NYAP2: variants seen among roughly 807,000 people sequenced by gnomAD.
NYAP2 encodes neuronal tyrosine-phosphorylated phosphoinositide-3-kinase adaptor 2, also known as neuronal tyrosine-phosphorylated phosphoinositide-3-kinase adapter 2.
In NYAP2, 23 loss-of-function variants were observed where a neutral mutation model predicts 50.4. The observed-to-expected ratio is 0.46, with a 90% CI of 0.33 to 0.65. NYAP2 has a LOEUF of 0.65. Ranked by LOEUF, NYAP2 falls within the 30% of genes least tolerant of loss-of-function variation. The pLI, the probability that NYAP2 is intolerant of heterozygous loss-of-function variation, is 0.02. For synonymous variants in NYAP2, 394 were observed against 365.2 expected, an observed-to-expected ratio of 1.08 and a Z score of -0.90; for missense variants, 885 against 861.0, an observed-to-expected ratio of 1.03 and a Z score of -0.35.
chr2:225,663,048 G>A, the NYAP2 span, among the ~76,000 whole-genome samples: 9 of 152,214 alleles, frequency 5.9e-5, no homozygotes, highest in South Asian at 8.3e-4. Context: ...TCAGTCATTC[G>A]TTTATTTAAA....
intron 6 of NYAP2, among the ~76,000 whole-genome samples, chr2:225,638,617 A>C (rs556948279): frequency 6.6e-6 from 1 of 152,108 alleles, no homozygotes; most frequent in South Asian, 2.1e-4. Flanking sequence ...AAAGACAGAG[A>C]GCGAACAACC....
intron 3 of NYAP2, among the ~76,000 whole-genome samples, chr2:225,466,059 C>A (rs1689913606): frequency 6.6e-6 from 1 of 152,188 alleles, no homozygotes; most frequent in East Asian, 1.9e-4. Flanking sequence ...GCAGCCGGAA[C>A]CAGCCACGTG....
the NYAP2 span, among the ~76,000 whole-genome samples, chr2:225,692,419 T>C: frequency 6.6e-6 from 1 of 152,132 alleles, no homozygotes; most frequent in Non-Finnish European, 1.5e-5. Flanking sequence ...AAAGTAATTA[T>C]TGAAGTGAAC....
At chr2:225,455,069 C>T (rs1396671725) in intron 3 of NYAP2, among the ~76,000 whole-genome samples, 2 of 152,058 alleles carry the variant, frequency 1.3e-5, no homozygotes, top group Non-Finnish European at 2.9e-5. Flanking sequence ...GGAATGCAGA[C>T]AGTCTCCAGA....
At chr2:225,622,134 A>G (rs559667607) in intron 5 of NYAP2, among the ~76,000 whole-genome samples, 48 of 152,236 alleles carry the variant, frequency 3.2e-4, no homozygotes, top group Admixed American at 1.3e-3. Flanking sequence ...CAAGGCTCAA[A>G]CAATCCTCCC....
chr2:225,574,932 C>T (rs1287215187), intron 4 of NYAP2, among the ~76,000 whole-genome samples: 1 of 152,116 alleles, frequency 6.6e-6, no homozygotes, highest in African/African-American at 2.4e-5. Flanking sequence ...CATTTTGAAA[C>T]CTTTTGCTGC....
At chr2:225,621,063 G>A (rs1693094749) in intron 5 of NYAP2, among the ~76,000 whole-genome samples, 1 of 149,138 alleles carries the variant, frequency 6.7e-6, no homozygotes, top group Non-Finnish European at 1.5e-5. Context: ...GCGGTGAGCT[G>A]AGATCGTGCC....
downstream of NYAP2, among the ~76,000 whole-genome samples, chr2:225,654,877 T>C (rs1180313490): frequency 6.6e-6 from 1 of 152,186 alleles, no homozygotes; most frequent in Non-Finnish European, 1.5e-5. Flanking sequence ...TCATCCCATC[T>C]CTGTTCAGTT....
the NYAP2 span, among the ~76,000 whole-genome samples, chr2:225,693,660 C>G: frequency 6.6e-6 from 1 of 152,002 alleles, no homozygotes; most frequent in South Asian, 2.1e-4. Flanking sequence ...GTATCGGCAG[C>G]CTGGCTGAAG....
the NYAP2 span, among the ~76,000 whole-genome samples, chr2:225,671,557 TGAGATCAA>T: frequency 6.6e-6 from 1 of 152,140 alleles, no homozygotes; most frequent in Non-Finnish European, 1.5e-5. Context: ...TCCAAAAGGT[TGAGATCAA>T]CTTCTTCCAA....
chr2:225,598,867 C>T (rs1002430029), intron 5 of NYAP2, among the ~76,000 whole-genome samples: 5 of 152,200 alleles, frequency 3.3e-5, no homozygotes, highest in African/African-American at 1.2e-4. Context: ...ACTCCTCACA[C>T]TTAAATGAAA....
intron 3 of NYAP2, among the ~76,000 whole-genome samples, chr2:225,503,956 G>T (rs1690654530): frequency 1.3e-5 from 2 of 152,158 alleles, no homozygotes; most frequent in South Asian, 2.1e-4. Flanking sequence ...TAAACAAAAT[G>T]TATTGATATG....
chr2:225,397,963 A>AT (rs1157144300), upstream of NYAP2, among the ~76,000 whole-genome samples: 1 of 151,740 alleles, frequency 6.6e-6, no homozygotes, highest in African/African-American at 2.4e-5. Flanking sequence ...AAAAAGATAT[A>AT]TTTTCCTAAA....
intron 6 of NYAP2, among the ~76,000 whole-genome samples, chr2:225,650,476 G>A (rs2106271904): frequency 6.6e-6 from 1 of 152,296 alleles, no homozygotes; most frequent in African/African-American, 2.4e-5. Context: ...AAAAGCACTT[G>A]TTTATTTATT....
chr2:225,545,726 T>C (rs1219460345), intron 4 of NYAP2, among the ~76,000 whole-genome samples: 1 of 152,190 alleles, frequency 6.6e-6, no homozygotes, highest in African/African-American at 2.4e-5. Flanking sequence ...GTTACATTTT[T>C]TTCTGGATGG....
intron 4 of NYAP2, among the ~76,000 whole-genome samples, chr2:225,541,055 C>A (rs1462022113): frequency 1.3e-5 from 2 of 152,028 alleles, no homozygotes; most frequent in East Asian, 3.9e-4. Flanking sequence ...TGTTGGACAC[C>A]TTTTCATATA....
chr2:225,655,117 C>A (rs1251610293), downstream of NYAP2, among the ~76,000 whole-genome samples: 2 of 152,156 alleles, frequency 1.3e-5, no homozygotes, highest in Non-Finnish European at 2.9e-5. Flanking sequence ...CCTTTGAAAT[C>A]AGTTTTAGCT....
intron 5 of NYAP2, among the ~76,000 whole-genome samples, chr2:225,612,837 T>G (rs1016068474): frequency 9.0e-6 from 1 of 111,550 alleles, no homozygotes; most frequent in East Asian, 2.6e-4. Context: ...ACACCCAATG[T>G]GTGTGATGAC....
intron 3 of NYAP2, among the ~76,000 whole-genome samples, chr2:225,452,698 T>C (rs552293022): frequency 6.6e-5 from 10 of 152,334 alleles, no homozygotes; most frequent in Admixed American, 4.6e-4. Flanking sequence ...AGTCTTTTGT[T>C]ATTGTTTATT....
Sources: gnomAD v4.1 joint callset for allele counts (sites outside exome capture counted in the v4.1 genomes callset) on GRCh38, gnomAD v4.1.1 for gene constraint, MANE v1.5 for transcripts, NCBI Gene and HGNC (gene_info 2026-07-23, HGNC 2026-07-21) for gene names.